NOTCH2NLA: variants seen among roughly 807,000 people sequenced by gnomAD.
The protein encoded by NOTCH2NLA is notch homolog 2 N-terminal-like protein A.
chr1:146,159,466 G>A (rs6424347), intron 3 of NOTCH2NLA, among the ~76,000 whole-genome samples: 4,854 of 118,364 alleles, frequency 0.041, 1 homozygote, highest in South Asian at 0.061. Context: ...AGAAAGAAAG[G>A]AAGGGAGAAA....
At chr1:146,185,156 C>T (rs868992014) in intron 2 of NOTCH2NLA, among the ~76,000 whole-genome samples, 1 of 137,562 alleles carries the variant, frequency 7.3e-6, no homozygotes, top group African/African-American at 2.5e-5. Context: ...TAAATAACTA[C>T]AATAAATGTC....
chr1:146,207,661 T>C (rs1169415995), intron 1 of NOTCH2NLA, among the ~76,000 whole-genome samples: 5 of 19,972 alleles, frequency 2.5e-4, no homozygotes, highest in Non-Finnish European at 4.8e-4. Flanking sequence ...TGATACTCTC[T>C]ATTCTACCCC....
intron 3 of NOTCH2NLA, among the ~76,000 whole-genome samples, chr1:146,159,424 A>AAAGAAAGG (rs1289734586): frequency 2.0e-5 from 3 of 150,336 alleles, no homozygotes; most frequent in African/African-American, 7.4e-5. Flanking sequence ...AGAAAGAAAG[A>AAAGAAAGG]AAGAAAGAAA....
chr1:146,203,941 CCT>C (rs1663491485), intron 1 of NOTCH2NLA, among the ~76,000 whole-genome samples: 1 of 151,418 alleles, frequency 6.6e-6, no homozygotes, highest in Non-Finnish European at 1.5e-5. Context: ...AAAGATCACT[CCT>C]CTGTTTTCCT....
chr1:146,156,960 C>G, intron 3 of NOTCH2NLA, 145 bp from the exon 4 acceptor site: 1 of 642,070 alleles, frequency 1.6e-6, no homozygotes, highest in Non-Finnish European at 2.8e-6. Flanking sequence ...AGAGCCTCCT[C>G]AAGGTCATCT....
intron 1 of NOTCH2NLA, among the ~76,000 whole-genome samples, chr1:146,207,811 CT>C (rs1663663654): frequency 9.9e-6 from 1 of 100,628 alleles, no homozygotes; most frequent in Non-Finnish European, 2.2e-5. Context: ...CCCAATACCA[CT>C]TTCTTTTTTT....
At position 146,161,853 on chromosome 1, in the gene NOTCH2NLA, C is replaced by T. The variant is rs1375319807; in HGVS notation, c.298+2898G>A. Among the ~76,000 whole-genome samples, 13 of 79,794 alleles carry T rather than the reference C, an allele frequency of 1.6e-4. 2 individuals are homozygous for T. The highest frequency in any genetic ancestry group is 3.7e-4 in the South Asian group (1 of 2,672). The allele number at this position is 79,794 out of a possible 152,430, so 52.3% of individuals were successfully genotyped here. ...ATGGAATACAGGAGATCCATTAGGG[C>T]GTCTCTTAGTATTACCATGCCCTGT... is the stretch of plus-strand genomic sequence containing the variant. On this transcript the variant is annotated intron_variant, in intron 3 of 4. Coordinates refer to ENST00000362074, the Ensembl canonical transcript of NOTCH2NLA.
intron 1 of NOTCH2NLA, among the ~76,000 whole-genome samples, chr1:146,194,802 C>T (rs797029106): frequency 9.8e-6 from 1 of 101,870 alleles, no homozygotes; most frequent in Non-Finnish European, 2.0e-5. Context: ...CAGATCAGAG[C>T]TTACCTTACG....
chr1:146,158,775 G>C (rs1291466130), intron 3 of NOTCH2NLA, among the ~76,000 whole-genome samples: 4 of 151,104 alleles, frequency 2.6e-5, no homozygotes, highest in African/African-American at 9.7e-5. Context: ...AAAGGTAAAT[G>C]GGAGACACAA....
intron 3 of NOTCH2NLA, among the ~76,000 whole-genome samples, chr1:146,159,136 T>C (rs1553803595): frequency 6.6e-6 from 1 of 152,016 alleles, no homozygotes; most frequent in African/African-American, 2.4e-5. Context: ...GGTGGGCAGA[T>C]CACTTGTGGT....
chr1:146,228,886 G>C (rs1553820570), exon 1 of NOTCH2NLA: 1 of 1,473,100 alleles, frequency 6.8e-7, no homozygotes, highest in Non-Finnish European at 8.9e-7. Context: ...CCCTCCTCCT[G>C]CTTCAAAGGC....
At position 146,187,051 on chromosome 1, in the gene NOTCH2NLA, C is replaced by T. The variant is rs587647167; in HGVS notation, c.38+2249G>A. On this transcript the variant is annotated intron_variant, in intron 2 of 4. Transcript: ENST00000362074. The stretch of plus-strand genomic sequence containing the variant: ...CTTTCCCCCCACCCCCTGACAGGCT[C>T]CAGTGTGTGATGTTCCCCTCCCTGT... Among the ~76,000 whole-genome samples, 3 of 127,332 alleles carry T rather than the reference C, an allele frequency of 2.4e-5. 1 individual carries two copies. The highest frequency in any genetic ancestry group is 1.7e-4 in the Admixed American group (2 of 11,894). The allele number at this position is 127,332 out of a possible 152,430, so 83.5% of individuals were successfully genotyped here.
At chr1:146,187,256 A>C (rs1662825762) in intron 2 of NOTCH2NLA, among the ~76,000 whole-genome samples, 1 of 127,936 alleles carries the variant, frequency 7.8e-6, no homozygotes, top group Non-Finnish European at 1.8e-5. Flanking sequence ...TACATGCCAC[A>C]TTTTCTTTAT....
intron 1 of NOTCH2NLA, 37 bp downstream of exon 1, chr1:146,228,672 G>C (rs782717513): frequency 6.7e-7 from 1 of 1,491,122 alleles, no homozygotes; most frequent in Non-Finnish European, 8.8e-7. Context: ...TGGCAGCCCC[G>C]GGCGCCGCGG....
At chr1:146,200,531 T>TCAACA (rs1663372390) in intron 1 of NOTCH2NLA, among the ~76,000 whole-genome samples, 1 of 59,356 alleles carries the variant, frequency 1.7e-5, no homozygotes, top group Non-Finnish European at 3.3e-5. Context: ...ATGTCCCACA[T>TCAACA]CAACACAACT....
intron 2 of NOTCH2NLA, among the ~76,000 whole-genome samples, chr1:146,187,025 C>T (rs1553810384): frequency 2.3e-5 from 3 of 130,436 alleles, no homozygotes; most frequent in East Asian, 4.2e-4. Flanking sequence ...CTCTCCCTCC[C>T]CTTTCCCCCC....
At chr1:146,170,538 TAGAC>T (rs1385447165) in intron 2 of NOTCH2NLA, among the ~76,000 whole-genome samples, 3 of 140,856 alleles carry the variant, frequency 2.1e-5, no homozygotes, top group African/African-American at 7.7e-5. Flanking sequence ...GAAAGGGAAA[TAGAC>T]AGTGACTACT....
At chr1:146,157,138 T>C (rs1661199660) in intron 3 of NOTCH2NLA, among the ~76,000 whole-genome samples, 1 of 149,788 alleles carries the variant, frequency 6.7e-6, no homozygotes, top group African/African-American at 2.4e-5. Flanking sequence ...GAGCTCACTG[T>C]CTTTGCATAT....
intron 2 of NOTCH2NLA, among the ~76,000 whole-genome samples, chr1:146,173,071 G>T (rs1471686303): frequency 6.6e-6 from 1 of 150,966 alleles, no homozygotes; most frequent in Non-Finnish European, 1.5e-5. Context: ...TTATGGACAT[G>T]GGAAGAAAGG....
Sources: allele counts gnomAD v4.1 joint callset (sites outside exome capture counted in the v4.1 genomes callset), GRCh38; gene constraint gnomAD v4.1.1; transcripts MANE v1.5; gene names NCBI Gene and HGNC (gene_info 2026-07-23, HGNC 2026-07-21).